Variants in COL27A1 observed in about 807,000 individuals in gnomAD.
The protein encoded by COL27A1 is collagen type XXVII alpha 1 chain.
A neutral mutation model predicts 251.3 loss-of-function variants in COL27A1; 106 were observed. The observed-to-expected ratio is 0.42, with a 90% CI of 0.36 to 0.50. The LOEUF is 0.50. Among genes scored for constraint, COL27A1 ranks in the 20% least tolerant of loss-of-function variants. The pLI is 0.00. For missense variants in COL27A1, 2,325 were observed against 2,522.8 expected (o/e 0.92, Z 1.68); for synonymous variants, 1,000 against 986.3 (o/e 1.01, Z -0.26).
chr9:114,239,699 G>A (rs559088465), intron 19 of COL27A1, among the ~76,000 whole-genome samples: 2 of 152,288 alleles, frequency 1.3e-5, no homozygotes, highest in East Asian at 3.9e-4. Flanking sequence ...GGTGGAGTGG[G>A]GCAGAGTCCA....
Position 114,168,714 on chromosome 9 carries a change from C to A in COL27A1, c.1159C>A (p.Pro387Thr), listed in dbSNP as rs767888747. The A allele has an allele frequency of 3.3e-5, 54 of 1,613,970 alleles. 1 individual carries two copies. In the South Asian group the frequency reaches 5.6e-4, roughly 17 times the overall value. The change falls in exon 3 of 61, where the codon CCT becomes ACT. Residue 387 changes from proline (P) to threonine (T), a missense_variant. Around this residue, in one of 4 missense-constraint regions of COL27A1, gnomAD observed 1,183 missense variants for 1,144.1 expected, o/e 1.03. Coordinates refer to ENST00000356083, the MANE Select transcript of COL27A1 (RefSeq NM_032888.4). ...AATTGTGCCCATCAAAAGCCCCCAT[C>A]CTACCCAGAAAACAGCTCCATCTTC... ...TSIVPIKSPH[P>T]TQKTAPSSFT...
chr9:114,182,886 G>A (rs1828040708), intron 4 of COL27A1, 136 bp from the exon 5 acceptor site: 2 of 759,960 alleles, frequency 2.6e-6, no homozygotes, highest in Non-Finnish European at 4.5e-6. Context: ...GAGTGGCCAC[G>A]ACAGTGTTGC....
chr9:114,307,942 T>C (rs1829174280), intron 59 of COL27A1, among the ~76,000 whole-genome samples, 164 bp downstream of exon 59: 1 of 152,190 alleles, frequency 6.6e-6, no homozygotes, highest in South Asian at 2.1e-4. Flanking sequence ...TATCTATAAA[T>C]TGGGAGTGAG....
intron 27 of COL27A1, among the ~76,000 whole-genome samples, chr9:114,255,885 G>A (rs991696279): frequency 8.5e-5 from 13 of 152,128 alleles, no homozygotes; most frequent in Non-Finnish European, 1.8e-4. Context: ...GGGATTGTTG[G>A]CAACATTCAT....
At chr9:114,182,068 G>A (rs983260139) in intron 4 of COL27A1, among the ~76,000 whole-genome samples, 14 of 151,976 alleles carry the variant, frequency 9.2e-5, no homozygotes, top group Admixed American at 2.6e-4. Context: ...GCCAGCTGCC[G>A]TGGCTCACGC....
intron 25 of COL27A1, among the ~76,000 whole-genome samples, chr9:114,251,538 A>G (rs989619408): frequency 2.0e-5 from 3 of 152,326 alleles, no homozygotes; most frequent in Non-Finnish European, 4.4e-5. Flanking sequence ...ACAGATTCAC[A>G]AGAAGTTGCA....
chr9:114,156,506 T>C (rs962604179), intron 1 of COL27A1, among the ~76,000 whole-genome samples: 2 of 152,108 alleles, frequency 1.3e-5, no homozygotes, highest in African/African-American at 4.8e-5. Flanking sequence ...TCCGTGTCTG[T>C]GTGGCTCTGC....
chr9:114,283,250 C>T (rs1836044055), intron 39 of COL27A1, among the ~76,000 whole-genome samples: 1 of 152,146 alleles, frequency 6.6e-6, no homozygotes, highest in Non-Finnish European at 1.5e-5. Flanking sequence ...ACACGGCAGC[C>T]CTCCCTTAGG....
In COL27A1 at chr9:114,252,896, A is replaced by G. The variant is rs770050268; in HGVS notation, c.3105A>G (p.Pro1035=). ...PKGSMGHPGM[P]GGMGTPGEPG... ...CTTGGCAGGGTCATCCTGGAATGCC[A>G]GGTGGTATGGGGACCCCTGGAGAGC... The change falls in exon 27 of 61, where the codon CCA becomes CCG. Residue 1035 remains proline, a synonymous_variant. Coordinates refer to ENST00000356083, the MANE Select transcript of COL27A1 (RefSeq NM_032888.4). 1 of 1,613,980 alleles carries G rather than the reference A, an allele frequency of 6.2e-7. No individual in the cohort carries two copies. Among genetic ancestry groups the G allele is most frequent in the Non-Finnish European group, 8.5e-7 (1 of 1,179,892 alleles).
In COL27A1 at chr9:114,235,689, C is replaced by G. The variant is rs745860479; in HGVS notation, c.2619+37C>G. 28 of 1,519,842 alleles carry G rather than the reference C, an allele frequency of 1.8e-5. No homozygotes were observed. The African/African-American group carries it at 3.6e-4, about 19-fold the overall frequency. The allele number at this position is 1,519,842 out of a possible 1,614,324, so 94.1% of individuals were successfully genotyped here. On this transcript the variant is annotated intron_variant, in intron 17 of 60. Transcript: ENST00000356083. ...AGATTTTCCCCTCCCCCTGCCCCTG[C>G]CCCTGCCCTGCTGTTCCCCTGGTCT...
At position 114,309,356 on chromosome 9, in the gene COL27A1, G is replaced by A. The variant is rs532724249; in HGVS notation, c.5314G>A (p.Val1772Met). 3.1e-6 allele frequency: 5 copies of A among 1,614,054 alleles called. No homozygotes were observed. Among genetic ancestry groups the A allele is most frequent in the Non-Finnish European group, 2.5e-6 (3 of 1,180,026 alleles). ...CACCATCCACTGCCTTAACATGACC[G>A]TGTGGCAGGAGGGCACTGGGCAGAC... is the stretch of plus-strand genomic sequence containing the variant. ...HITIHCLNMTVWQEGTGQTPA... is the reference protein window; with the variant it reads ...HITIHCLNMTMWQEGTGQTPA... Residue 1772 changes from valine to methionine, a missense_variant, in exon 60 of 61, where the codon GTG becomes ATG. By Grantham distance (21) the Val-to-Met change is conservative (BLOSUM62 1). Transcript: ENST00000356083.
At chr9:114,261,620 A>G (rs1320727290) in intron 28 of COL27A1, among the ~76,000 whole-genome samples, 1 of 152,186 alleles carries the variant, frequency 6.6e-6, no homozygotes, top group Non-Finnish European at 1.5e-5. Flanking sequence ...CTCTCAGATA[A>G]GAGGGATTTT....
chr9:114,205,002 A>G, intron 7 of COL27A1, 100 bp from the exon 8 acceptor site: 1 of 1,100,432 alleles, frequency 9.1e-7, no homozygotes, highest in South Asian at 1.3e-5. Flanking sequence ...GATGCAGTAC[A>G]TACGGTGCTG....
rs118173982 is a variant in COL27A1, at chr9:114,310,855, G to T, written c.*160G>T. The T allele has an allele frequency of 1.5e-6, 1 of 661,332 alleles. No homozygotes were observed. Among genetic ancestry groups the T allele is most frequent in the Non-Finnish European group, 2.5e-6 (1 of 396,570 alleles). 41.0% of individuals were successfully genotyped at this position (661,332 alleles called of 1,614,324 possible). A position where few individuals can be genotyped will look rare whatever the true frequency, so the allele number is the denominator to read the frequency against. On this transcript the variant is annotated 3_prime_UTR_variant, in exon 61 of 61. Coordinates refer to ENST00000356083, the MANE Select transcript of COL27A1 (RefSeq NM_032888.4). ...GTCTGCCCAGTAGAAGTGGGTGGGG[G>T]TAGGAGGGGATAGGGTGTCCTTGGG...
At chr9:114,157,357 C>T (rs1470251220) in intron 1 of COL27A1, among the ~76,000 whole-genome samples, 2 of 151,700 alleles carry the variant, frequency 1.3e-5, no homozygotes, top group Non-Finnish European at 2.9e-5. Context: ...CCTCTGCTCT[C>T]CAGCATGCCT....
chr9:114,282,668 A>AGC (rs1835997473), intron 39 of COL27A1, 104 bp downstream of exon 39: 1 of 699,174 alleles, frequency 1.4e-6, no homozygotes, highest in East Asian at 2.9e-5. Flanking sequence ...CACCCACCCC[A>AGC]GCTATTAGCT....
chr9:114,156,571 G>A (rs546510124), intron 1 of COL27A1, among the ~76,000 whole-genome samples: 1 of 152,252 alleles, frequency 6.6e-6, no homozygotes, highest in South Asian at 2.1e-4. Flanking sequence ...GCCTGGGTCT[G>A]TGTGTCTGTG....
intron 4 of COL27A1, 143 bp from the exon 5 acceptor site, chr9:114,182,879 T>C: frequency 1.4e-6 from 1 of 708,990 alleles, no homozygotes. Flanking sequence ...GTAGGCTGAG[T>C]GGCCACGACA....
In COL27A1 at chr9:114,292,124, C is replaced by T; in HGVS notation, c.4498C>T (p.Gln1500Ter). 6.4e-7 allele frequency: 1 copy of T among 1,558,970 alleles called. No homozygotes were observed. Among genetic ancestry groups the T allele is most frequent in the Non-Finnish European group, 8.7e-7 (1 of 1,151,172 alleles). The change falls in exon 49 of 61, where the codon CAG (glutamine) becomes TAG (stop). Residue 1500 changes from glutamine to a stop codon, truncating the protein, a stop_gained. Coordinates refer to ENST00000356083, the MANE Select transcript of COL27A1 (RefSeq NM_032888.4). LOFTEE classifies it high-confidence loss of function. Reference protein sequence around the residue: ...GFKGESGLPGQLGPPGKRGTE... With the variant: ...GFKGESGLPG ...TAAGGGTGAGAGTGGGTTACCCGGA[C>T]AGCTGGGTCCCCCTGGCAAGCGAGG...
Sources: allele counts gnomAD v4.1 joint callset (sites outside exome capture counted in the v4.1 genomes callset), GRCh38; gene constraint gnomAD v4.1.1; regional missense constraint gnomAD v4.1.1; transcripts MANE v1.5; gene names NCBI Gene and HGNC (gene_info 2026-07-23, HGNC 2026-07-21).